Variants in METTL2B observed in about 807,000 individuals in gnomAD.
The protein encoded by METTL2B is methyltransferase 2B, tRNA N3-cytidine.
Under a neutral mutation model 51.0 loss-of-function variants are expected in METTL2B, and 28 were observed. That is an observed-to-expected ratio of 0.55 (90% CI 0.41 to 0.75). The LOEUF (loss-of-function observed/expected upper bound fraction) is 0.75. Among genes scored for constraint, METTL2B ranks in the 30% least tolerant of loss-of-function variants. The probability of loss-of-function intolerance (pLI) is 0.00; values close to 1 mark genes in which losing one functional copy is unlikely to be tolerated. For synonymous variants in METTL2B, 128 were observed against 166.3 expected, an observed-to-expected ratio of 0.77 and a Z score of 1.77; for missense variants, 313 against 460.7, an observed-to-expected ratio of 0.68 and a Z score of 2.93.
chr7:128,496,884 G>A (rs1312137861), intron 6 of METTL2B, among the ~76,000 whole-genome samples: 2 of 152,010 alleles, frequency 1.3e-5, no homozygotes, highest in Admixed American at 1.3e-4. Flanking sequence ...GGGTTCAAGC[G>A]ATTCTCCTGC....
chr7:128,498,163 C>A, intron 7 of METTL2B, 21 bp downstream of exon 7: 1 of 1,610,884 alleles, frequency 6.2e-7, no homozygotes, highest in Non-Finnish European at 8.5e-7. Context: ...AGTGCTGAAT[C>A]CTAACCACTA....
intron 6 of METTL2B, among the ~76,000 whole-genome samples, chr7:128,497,541 G>T (rs34204464): frequency 5.9e-5 from 9 of 152,158 alleles, no homozygotes; most frequent in Admixed American, 5.9e-4. Flanking sequence ...GGAGGGCAGT[G>T]GTGCAATCTT....
chr7:128,498,306 C>T (rs1792962099), intron 7 of METTL2B, among the ~76,000 whole-genome samples, 164 bp downstream of exon 7: 1 of 129,554 alleles, frequency 7.7e-6, no homozygotes, highest in Non-Finnish European at 1.6e-5. Flanking sequence ...AACACATGGA[C>T]GCGGGGTGGG....
chr7:128,479,322 GTA>G lies in METTL2B; in HGVS notation c.369_370del (p.Cys124Ter), dbSNP rs1313230640. Reference sequence around the variant, plus strand: ...TTGGTTCTTGGAGAACAAGAGTGAAGTATGTGAATGTAGAAACAATGAGGATG... The same window carrying G: ...TTGGTTCTTGGAGAACAAGAGTGAAGTGTGAATGTAGAAACAATGAGGATG... ...KDWFLENKSE[V>X]CECRNNEDGP... is the part of the protein sequence containing the mutation. On this transcript the variant is annotated frameshift_variant, in exon 3 of 9. Transcript: ENST00000262432. LOFTEE classifies it high-confidence loss of function. The G allele has an allele frequency of 6.2e-7, 1 of 1,614,094 alleles. No individual in the cohort carries two copies. The highest frequency in any genetic ancestry group is 8.5e-7 in the Non-Finnish European group (1 of 1,180,044).
intron 5 of METTL2B, chr7:128,488,690 G>T (rs1584792915): frequency 3.0e-6 from 1 of 332,724 alleles, no homozygotes; most frequent in Non-Finnish European, 6.0e-6. Context: ...ATACTCTACA[G>T]TGTCCTCTGT....
chr7:128,488,896 A>G (rs1792769501), intron 5 of METTL2B, among the ~76,000 whole-genome samples: 1 of 152,168 alleles, frequency 6.6e-6, no homozygotes, highest in South Asian at 2.1e-4. Context: ...CGAGGTCAGG[A>G]GTTCAAGACC....
At position 128,505,622 on chromosome 7, in the gene METTL2B, A is replaced by C. The variant is rs1793110676; in HGVS notation, c.*3706A>C. 1 of 152,194 alleles carries C rather than the reference A, an allele frequency of 6.6e-6. No homozygotes were observed. Among genetic ancestry groups the C allele is most frequent in the Non-Finnish European group, 1.5e-5 (1 of 68,052 alleles). 9.4% of individuals were successfully genotyped at this position (152,194 alleles called of 1,614,324 possible). A position where few individuals can be genotyped will look rare whatever the true frequency, so the allele number is the denominator to read the frequency against. ...TTTTGTAGGGAAGTGCTTTGAGACT[A>C]AATATCCTGTTCCTCATCAAACTTC... On this transcript the variant is annotated 3_prime_UTR_variant, in exon 9 of 9. Coordinates refer to ENST00000262432, the MANE Select transcript of METTL2B (RefSeq NM_018396.3).
At chr7:128,497,708 C>T (rs1270117857) in intron 6 of METTL2B, among the ~76,000 whole-genome samples, 1 of 151,716 alleles carries the variant, frequency 6.6e-6, no homozygotes, top group Non-Finnish European at 1.5e-5. Context: ...GTCTCAAACT[C>T]CTGACCTCAT....
intron 4 of METTL2B, among the ~76,000 whole-genome samples, chr7:128,482,140 G>A (rs1334698479): frequency 6.6e-6 from 1 of 152,088 alleles, no homozygotes; most frequent in African/African-American, 2.4e-5. Flanking sequence ...AATTCAGTGT[G>A]GTCCTGAGGG....
Position 128,503,776 on chromosome 7 carries a change from T to C in METTL2B, c.*1860T>C, listed in dbSNP as rs1465394371. ...ACTTTGGGAGGCTGAGGTGGGCAGATCACTTGAGGTCAGGAGTTCCAGTCC... is the reference window on the plus strand; with the variant it reads ...ACTTTGGGAGGCTGAGGTGGGCAGACCACTTGAGGTCAGGAGTTCCAGTCC... On this transcript the variant is annotated 3_prime_UTR_variant, in exon 9 of 9. Coordinates refer to ENST00000262432, the MANE Select transcript of METTL2B (RefSeq NM_018396.3). 6.6e-6 allele frequency: 1 copy of C among 152,148 alleles called. No individual in the cohort carries two copies. The highest frequency in any genetic ancestry group is 2.4e-5 in the African/African-American group (1 of 41,428). The allele number at this position is 152,148 out of a possible 1,614,324, so 9.4% of individuals were successfully genotyped here. A position where few individuals can be genotyped will look rare whatever the true frequency, so the allele number is the denominator to read the frequency against.
intron 2 of METTL2B, chr7:128,478,012 A>G (rs1252290328): frequency 2.3e-6 from 1 of 429,756 alleles, no homozygotes; most frequent in East Asian, 7.2e-5. Context: ...CAGTAGTAGC[A>G]GTAGTGGAAC....
intron 5 of METTL2B, among the ~76,000 whole-genome samples, chr7:128,490,027 T>G (rs1311977638): frequency 6.6e-6 from 1 of 152,226 alleles, no homozygotes; most frequent in African/African-American, 2.4e-5. Flanking sequence ...GATAGGATTT[T>G]GCCCACAGTA....
At chr7:128,489,683 C>T (rs1361523907) in intron 5 of METTL2B, among the ~76,000 whole-genome samples, 2 of 135,048 alleles carry the variant, frequency 1.5e-5, no homozygotes, top group Non-Finnish European at 3.1e-5. Flanking sequence ...GGCTGGACTG[C>T]AGTGGCGGGA....
intron 4 of METTL2B, among the ~76,000 whole-genome samples, chr7:128,487,633 G>A (rs184061532): frequency 6.6e-6 from 1 of 152,288 alleles, no homozygotes; most frequent in African/African-American, 2.4e-5. Flanking sequence ...AATGCATAGT[G>A]GGCTCTCAGT....
intron 7 of METTL2B, 69 bp from the exon 8 acceptor site, chr7:128,500,834 C>G: frequency 6.3e-7 from 1 of 1,585,464 alleles, no homozygotes; most frequent in Non-Finnish European, 8.6e-7. Context: ...TCTCAGTTAA[C>G]ATTCCTTAGC....
chr7:128,498,031 C>A lies in METTL2B; in HGVS notation c.810-5C>A, dbSNP rs766368723. On this transcript the variant is annotated splice_polypyrimidine_tract_variant and splice_region_variant and intron_variant, in intron 6 of 8. Transcript: ENST00000262432. ...GATTAACTATAATTCCCTGTGTCTC[C>A]ACAGGATGCAGAAGGCTATCAACAG... 1 of 1,613,448 alleles carries A rather than the reference C, an allele frequency of 6.2e-7. No individual in the cohort carries two copies. Among genetic ancestry groups the A allele is most frequent in the Non-Finnish European group, 8.5e-7 (1 of 1,179,614 alleles).
chr7:128,501,091 C>T lies in METTL2B; in HGVS notation c.982+123C>T, dbSNP rs887168933. On this transcript the variant is annotated intron_variant, in intron 8 of 8. Coordinates refer to ENST00000262432, the MANE Select transcript of METTL2B (RefSeq NM_018396.3). ...AGGCAGGCTGTTTCCTTCGGTTCCCCGCTGCTCACACCCTCTTCCACCCTG... is the reference window on the plus strand; with the variant it reads ...AGGCAGGCTGTTTCCTTCGGTTCCCTGCTGCTCACACCCTCTTCCACCCTG... 25 of 1,544,194 alleles carry T rather than the reference C, an allele frequency of 1.6e-5. No homozygotes were observed. The African/African-American group carries it at 2.2e-4, about 14-fold the overall frequency.
At chr7:128,491,013 T>C (rs1286592900) in intron 5 of METTL2B, among the ~76,000 whole-genome samples, 4 of 151,680 alleles carry the variant, frequency 2.6e-5, no homozygotes, top group Non-Finnish European at 5.9e-5. Flanking sequence ...ATATGAAATT[T>C]AGCTGGGTAT....
Position 128,502,080 on chromosome 7 carries a change from G to A in METTL2B, c.*164G>A. On this transcript the variant is annotated 3_prime_UTR_variant, in exon 9 of 9. Transcript: ENST00000262432. ...AGGAGTCCAGCCTGGGCAAAATAGCGAGAGACCCTGAATCTGAAAGTAATG... is the reference window on the plus strand; with the variant it reads ...AGGAGTCCAGCCTGGGCAAAATAGCAAGAGACCCTGAATCTGAAAGTAATG... The A allele has an allele frequency of 3.6e-6, 3 of 839,804 alleles. No homozygotes were observed. The highest frequency in any genetic ancestry group is 2.6e-5 in the East Asian group (1 of 38,220). The allele number at this position is 839,804 out of a possible 1,614,324, so 52.0% of individuals were successfully genotyped here. A position where few individuals can be genotyped will look rare whatever the true frequency, so the allele number is the denominator to read the frequency against.
Sources: allele counts gnomAD v4.1 joint callset (sites outside exome capture counted in the v4.1 genomes callset), GRCh38; gene constraint gnomAD v4.1.1; transcripts MANE v1.5; gene names NCBI Gene and HGNC (gene_info 2026-07-23, HGNC 2026-07-21).